STAU1: variants seen among roughly 807,000 people sequenced by gnomAD.
STAU1 encodes the protein staufen double-stranded RNA binding protein 1.
Under a neutral mutation model 62.9 loss-of-function variants are expected in STAU1, and 13 were observed. The observed-to-expected ratio is 0.21, with a 90% CI of 0.13 to 0.33. The LOEUF (loss-of-function observed/expected upper bound fraction) is 0.33. Among genes scored for constraint, STAU1 ranks in the 10% least tolerant of loss-of-function variants. The pLI is 1.00. For synonymous variants in STAU1, 269 were observed against 265.1 expected (o/e 1.01, Z -0.14); for missense variants, 571 against 712.1 (o/e 0.80, Z 2.25).
At chr20:49,136,629 G>C (rs932283506) in intron 5 of STAU1, among the ~76,000 whole-genome samples, 1 of 152,172 alleles carries the variant, frequency 6.6e-6, no homozygotes, top group Non-Finnish European at 1.5e-5. Flanking sequence ...GATATATGTG[G>C]GACGTGGCAA....
intron 5 of STAU1, among the ~76,000 whole-genome samples, chr20:49,140,958 G>GT (rs1280808997): frequency 1.4e-5 from 2 of 141,620 alleles, no homozygotes; most frequent in Admixed American, 7.3e-5. Context: ...AGCATCCAGA[G>GT]TTTTTTTTAA....
Position 49,123,121 on chromosome 20 carries a change from G to A in STAU1, c.937C>T (p.Leu313Phe), listed in dbSNP as rs1425908087. 3.1e-6 allele frequency: 5 copies of A among 1,611,650 alleles called. No individual in the cohort carries two copies. The highest frequency in any genetic ancestry group is 2.2e-5 in the East Asian group (1 of 44,814). ...PEYTLLTERG[L>F]PRRREFVMQV... ...ATCACAAACTCCCTGCGGCGCGGGA[G>A]GCCTCGCTCTGTGAGGAGCGTGTAC... Residue 313 changes from leucine to phenylalanine, a missense_variant, in exon 8 of 14, where the codon CTC (leucine) becomes TTC (phenylalanine). Transcript: ENST00000371856.
At chr20:49,195,903 A>AAAAAAAAAAAGAAAAAG in the STAU1 span, among the ~76,000 whole-genome samples, 7 of 94,480 alleles carry the variant, frequency 7.4e-5, no homozygotes, top group Non-Finnish European at 1.4e-4. Flanking sequence ...CCTCTCAAAA[A>AAAAAAAAAAAGAAAAAG]AAAAAAAAAA....
chr20:49,152,418 A>G (rs781233969), intron 4 of STAU1, among the ~76,000 whole-genome samples: 1 of 136,738 alleles, frequency 7.3e-6, no homozygotes, highest in Non-Finnish European at 1.5e-5. Context: ...ATCTCGGCTC[A>G]CTGCAACCTC....
intron 3 of STAU1, among the ~76,000 whole-genome samples, chr20:49,159,807 C>T (rs2093421615): frequency 1.3e-5 from 2 of 152,200 alleles, no homozygotes; most frequent in Non-Finnish European, 2.9e-5. Flanking sequence ...AGTGATCTGT[C>T]GGCCTTGGCC....
chr20:49,114,764 C>T lies in STAU1; in HGVS notation c.*114G>A. ...TCCCTGCTGCTGCCCACATCCTTTA[C>T]CCACCGTGTCTCTCGGCCCACTGGA... is the stretch of plus-strand genomic sequence containing the variant. On this transcript the variant is annotated 3_prime_UTR_variant, in exon 14 of 14. Transcript: ENST00000371856. 1 of 975,264 alleles carries T rather than the reference C, an allele frequency of 1.0e-6. No individual in the cohort carries two copies. 60.4% of individuals were successfully genotyped at this position (975,264 alleles called of 1,614,324 possible). A position where few individuals can be genotyped will look rare whatever the true frequency, so the allele number is the denominator to read the frequency against.
rs969427735 is a variant in STAU1 at position 49,123,338 on chromosome 20, C to T, written c.823-103G>A. ...GAGGAGATAAGAGATTTTGGGTTGACCTAATGGCTCAGAATTCGATTTTTT... is the reference window on the plus strand; with the variant it reads ...GAGGAGATAAGAGATTTTGGGTTGATCTAATGGCTCAGAATTCGATTTTTT... On this transcript the variant is annotated intron_variant, in intron 7 of 13. Coordinates refer to ENST00000371856, the MANE Select transcript of STAU1 (RefSeq NM_017453.4). The T allele has an allele frequency of 3.4e-4, 484 of 1,427,524 alleles. 2 individuals are homozygous for T. Among genetic ancestry groups the T allele is most frequent in the Non-Finnish European group, 5.8e-5 (60 of 1,028,504 alleles). 88.4% of individuals were successfully genotyped at this position (1,427,524 alleles called of 1,614,324 possible).
At chr20:49,164,537 C>T (rs2093497093) in intron 3 of STAU1, among the ~76,000 whole-genome samples, 1 of 151,886 alleles carries the variant, frequency 6.6e-6, no homozygotes, top group South Asian at 2.1e-4. Flanking sequence ...GCAATCTCCC[C>T]ACTCGGCCTC....
At chr20:49,210,621 T>TA in the STAU1 span, 4 of 412,880 alleles carry the variant, frequency 9.7e-6, no homozygotes, top group East Asian at 2.9e-4. Flanking sequence ...ACTTGGCACT[T>TA]ACACTTTGCA....
chr20:49,115,972 T>C, intron 12 of STAU1, 105 bp from the exon 13 acceptor site: 1 of 835,866 alleles, frequency 1.2e-6, no homozygotes. Context: ...AGCAAACAGG[T>C]GGCAACTTCT....
chr20:49,177,532 A>G (rs2093674706), intron 1 of STAU1, among the ~76,000 whole-genome samples: 1 of 151,934 alleles, frequency 6.6e-6, no homozygotes, highest in African/African-American at 2.4e-5. Context: ...CAAAATAATT[A>G]GCCAGGCATG....
At position 49,127,913 on chromosome 20, in the gene STAU1, G is replaced by A. The variant is rs184465059; in HGVS notation, c.610-3326C>T. On this transcript the variant is annotated intron_variant, in intron 6 of 13. Coordinates refer to ENST00000371856, the MANE Select transcript of STAU1 (RefSeq NM_017453.4). ...GCCTGTAATCCCAGCACTTTGGGAGGCCGAGGCAGGCGGATCACCTGAGGC... is the reference window on the plus strand; with the variant it reads ...GCCTGTAATCCCAGCACTTTGGGAGACCGAGGCAGGCGGATCACCTGAGGC... Among the ~76,000 whole-genome samples, 93 of 152,226 alleles carry A rather than the reference G, an allele frequency of 6.1e-4. 1 individual carries two copies. Among genetic ancestry groups the A allele is most frequent in the African/African-American group, 2.2e-3 (92 of 41,566 alleles).
At chr20:49,153,737 A>G (rs2093305304) in intron 4 of STAU1, among the ~76,000 whole-genome samples, 196 bp downstream of exon 4, 2 of 147,226 alleles carry the variant, frequency 1.4e-5, no homozygotes, top group African/African-American at 5.1e-5. Context: ...AAAAAAAAAA[A>G]AAAAAGAAAG....
intron 6 of STAU1, among the ~76,000 whole-genome samples, chr20:49,129,352 A>C (rs1188551259): frequency 1.6e-5 from 2 of 126,484 alleles, no homozygotes; most frequent in Non-Finnish European, 3.1e-5. Context: ...CAGTGGCGCG[A>C]TCTTGGCTCA....
intron 3 of STAU1, among the ~76,000 whole-genome samples, chr20:49,154,666 C>T (rs1293759972): frequency 2.0e-5 from 3 of 151,902 alleles, no homozygotes; most frequent in African/African-American, 7.3e-5. Context: ...GGTATCGAGA[C>T]CATCTTGGCT....
rs2093631306 is a variant in STAU1, at chr20:49,174,226, T to A, written c.-116A>T. On this transcript the variant is annotated 5_prime_UTR_variant, in exon 2 of 14. Coordinates refer to ENST00000371856, the MANE Select transcript of STAU1 (RefSeq NM_017453.4). ...TAAAAAGAGGGCGTTCCAGGAACAA[T>A]GTTGTCTTTGTTCAGTTCTGAGAGG... 1 of 152,216 alleles carries A rather than the reference T, an allele frequency of 6.6e-6. No individual in the cohort carries two copies. Among genetic ancestry groups the A allele is most frequent in the African/African-American group, 2.4e-5 (1 of 41,456 alleles). 9.4% of individuals were successfully genotyped at this position (152,216 alleles called of 1,614,324 possible).
chr20:49,142,370 G>A (rs182203992), intron 5 of STAU1, among the ~76,000 whole-genome samples: 16 of 152,192 alleles, frequency 1.1e-4, no homozygotes, highest in African/African-American at 3.9e-4. Context: ...TTACAGGCGT[G>A]AGCCACCGTG....
In STAU1 at chr20:49,117,213, G is replaced by T; in HGVS notation, c.1545C>A (p.Asn515Lys). 6.2e-7 allele frequency: 1 copy of T among 1,614,104 alleles called. No individual in the cohort carries two copies. Among genetic ancestry groups the T allele is most frequent in the Non-Finnish European group, 8.5e-7 (1 of 1,180,002 alleles). Residue 515 changes from asparagine to lysine, a missense_variant, in exon 12 of 14, where the codon AAC becomes AAA. Asn to Lys is a moderately conservative substitution (Grantham distance 94, BLOSUM62 0). Coordinates refer to ENST00000371856, the MANE Select transcript of STAU1 (RefSeq NM_017453.4). This position sits in a 1 kb window ranked among gnomAD's most constrained non-coding sequence, Gnocchi z 4.6. ...EYKDFPKNNKNEFVSLINCSS... is the reference protein window; with the variant it reads ...EYKDFPKNNKKEFVSLINCSS... The stretch of plus-strand genomic sequence containing the variant: ...AGCAATTGATAAGAGATACAAATTC[G>T]TTCTTGTTGTTTTTGGGGAAGTCTT...
chr20:49,188,806 G>C (rs137980409), upstream of STAU1, among the ~76,000 whole-genome samples: 214 of 152,356 alleles, frequency 1.4e-3, 1 homozygote, highest in Middle Eastern at 6.8e-3. Context: ...CAAGAGCTAA[G>C]AATGTAGTGG....
Sources: gnomAD v4.1 joint callset for allele counts (sites outside exome capture counted in the v4.1 genomes callset) on GRCh38, gnomAD v4.1.1 for gene constraint, Gnocchi (gnomAD v3.1) non-coding constraint, MANE v1.5 for transcripts, NCBI Gene and HGNC (gene_info 2026-07-23, HGNC 2026-07-21) for gene names.